CASTOR2: variants seen among roughly 807,000 people sequenced by gnomAD.
CASTOR2 encodes the protein GATS protein like 2.
CASTOR2 carries 8 observed loss-of-function variants against 31.2 expected under a neutral mutation model. That is an observed-to-expected ratio of 0.26 (90% confidence interval 0.15 to 0.46). CASTOR2 has a LOEUF of 0.46. Among genes scored for constraint, CASTOR2 ranks in the 20% least tolerant of loss-of-function variants. The pLI, the probability that CASTOR2 is intolerant of heterozygous loss-of-function variation, is 0.99. For missense variants in CASTOR2, 216 were observed against 382.1 expected (o/e 0.57, Z 3.62); for synonymous variants, 162 against 158.7 (o/e 1.02, Z -0.16).
intron 1 of CASTOR2, among the ~76,000 whole-genome samples, chr7:74,989,422 A>C (rs1554437086): frequency 0.046 from 6,880 of 148,606 alleles, 526 homozygotes; most frequent in African/African-American, 0.16. Context: ...ATGCCTGGGT[A>C]ATTTTTGTTT....
chr7:75,017,895 G>T, intron 3 of CASTOR2, 95 bp from the exon 4 acceptor site: 1 of 1,613,592 alleles, frequency 6.2e-7, no homozygotes, highest in Non-Finnish European at 8.5e-7. Context: ...CGCTATTCCA[G>T]GGTGGGGGCA....
At chr7:75,001,163 G>C (rs1256475855) in intron 1 of CASTOR2, among the ~76,000 whole-genome samples, 1 of 152,030 alleles carries the variant, frequency 6.6e-6, no homozygotes, top group African/African-American at 2.4e-5. Flanking sequence ...TGCAACCTCC[G>C]CCTCCCAGGC....
intron 1 of CASTOR2, among the ~76,000 whole-genome samples, chr7:74,984,938 C>T (rs1252638073): frequency 1.3e-5 from 2 of 152,102 alleles, no homozygotes; most frequent in African/African-American, 2.4e-5. Flanking sequence ...TCAAGACCAG[C>T]CTGGCCAATG....
chr7:74,975,845 C>T (rs1189040264), intron 1 of CASTOR2, among the ~76,000 whole-genome samples: 1 of 129,466 alleles, frequency 7.7e-6, no homozygotes, highest in Non-Finnish European at 1.6e-5. Flanking sequence ...GCGTGGTGCT[C>T]CCTCTCTCCC....
intron 1 of CASTOR2, among the ~76,000 whole-genome samples, chr7:74,999,559 G>GC (rs1804442765): frequency 7.9e-6 from 1 of 127,186 alleles, no homozygotes; most frequent in Non-Finnish European, 1.6e-5. Context: ...GGGAAGAAAA[G>GC]CCCCATGAAC....
chr7:74,975,422 TA>T (rs1803779961), intron 1 of CASTOR2, among the ~76,000 whole-genome samples: 1 of 141,852 alleles, frequency 7.0e-6, no homozygotes, highest in Non-Finnish European at 1.5e-5. Context: ...CTGGTGGTTT[TA>T]AAAGCTAGGA....
intron 1 of CASTOR2, among the ~76,000 whole-genome samples, chr7:74,996,085 A>G (rs1804339897): frequency 6.6e-6 from 1 of 151,974 alleles, no homozygotes. Context: ...TGAGCGTGGC[A>G]GAGGGGCAGG....
intron 1 of CASTOR2, among the ~76,000 whole-genome samples, chr7:74,994,750 CAA>C (rs587613971): frequency 1.1e-4 from 15 of 132,896 alleles, no homozygotes; most frequent in South Asian, 2.4e-4. Flanking sequence ...ACTCCATCTC[CAA>C]AAAAAAAAAA....
chr7:75,022,555 G>C (rs938191558), intron 7 of CASTOR2, among the ~76,000 whole-genome samples: 22,439 of 91,582 alleles, frequency 0.25, 1,827 homozygotes, highest in African/African-American at 0.3. Context: ...GTAATCCCAG[G>C]TCTTTGGGAG....
At chr7:75,009,326 G>A (rs1804678189) in intron 2 of CASTOR2, among the ~76,000 whole-genome samples, 1 of 125,000 alleles carries the variant, frequency 8.0e-6, no homozygotes, top group African/African-American at 3.2e-5. Context: ...CTGGAGTGCA[G>A]TGGTGTGATC....
chr7:75,028,136 G>C lies in CASTOR2; in HGVS notation c.*3437G>C. On this transcript the variant is annotated 3_prime_UTR_variant, in exon 9 of 9. Transcript: ENST00000616305. ...GTGGAATTTTTTTTTTTTTTTTTTT[G>C]AGACGGAGTCTTGCTCTGTCGCCCA... 1 of 804,788 alleles carries C rather than the reference G, an allele frequency of 1.2e-6. No homozygotes were observed. The highest frequency in any genetic ancestry group is 1.8e-6 in the Non-Finnish European group (1 of 569,606). The allele number at this position is 804,788 out of a possible 1,614,324, so 49.9% of individuals were successfully genotyped here.
chr7:75,023,700 A>G (rs976877502), intron 7 of CASTOR2, among the ~76,000 whole-genome samples: 2 of 151,930 alleles, frequency 1.3e-5, no homozygotes, highest in Non-Finnish European at 2.9e-5. Flanking sequence ...TCGGCCTCCC[A>G]AAGTGCTGGG....
intron 1 of CASTOR2, among the ~76,000 whole-genome samples, chr7:74,996,714 G>GTTTTT (rs1804356173): frequency 2.3e-5 from 1 of 44,064 alleles, no homozygotes; most frequent in Non-Finnish European, 4.8e-5. Context: ...CATGCCTGGT[G>GTTTTT]CTTTTTTTTT....
At chr7:74,975,387 AG>A (rs1668805222) in intron 1 of CASTOR2, among the ~76,000 whole-genome samples, 1 of 147,176 alleles carries the variant, frequency 6.8e-6, no homozygotes, top group Admixed American at 6.8e-5. Context: ...CTGGGATTAC[AG>A]GCATGAGCCA....
intron 7 of CASTOR2, among the ~76,000 whole-genome samples, chr7:75,023,715 C>T (rs1028080081): frequency 6.6e-6 from 1 of 152,020 alleles, no homozygotes; most frequent in African/African-American, 2.4e-5. Context: ...GCTGGGATTA[C>T]AGGCGTGAGC....
At chr7:75,019,455 G>A (rs1684893627) in intron 5 of CASTOR2, among the ~76,000 whole-genome samples, 2 of 152,266 alleles carry the variant, frequency 1.3e-5, no homozygotes, top group Admixed American at 6.5e-5. Context: ...ACTAGTTTGG[G>A]GTGGGAGACA....
In CASTOR2 at chr7:74,964,730, G is replaced by A. The variant is rs1444996566; in HGVS notation, c.-256G>A. On this transcript the variant is annotated 5_prime_UTR_variant, in exon 1 of 9. Transcript: ENST00000616305. ...AGCTGCTCCCCGCGCCGGGCGCCGC[G>A]CGCCGCTGCTCCGCCGCTCGGCCCC... 4 of 101,998 alleles carry A rather than the reference G, an allele frequency of 3.9e-5. No homozygotes were observed. Among genetic ancestry groups the A allele is most frequent in the Non-Finnish European group, 7.9e-5 (4 of 50,524 alleles). 6.3% of individuals were successfully genotyped at this position (101,998 alleles called of 1,614,324 possible).
chr7:75,002,196 G>T (rs1804515365), intron 1 of CASTOR2, among the ~76,000 whole-genome samples: 1 of 151,794 alleles, frequency 6.6e-6, no homozygotes, highest in Non-Finnish European at 1.5e-5. Flanking sequence ...AAAGTTCTGG[G>T]ATTACAGGTA....
intron 1 of CASTOR2, among the ~76,000 whole-genome samples, chr7:75,006,943 A>G (rs1337751035): frequency 7.1e-6 from 1 of 139,998 alleles, no homozygotes; most frequent in African/African-American, 2.6e-5. Context: ...GTATGTGTTT[A>G]TTAGCAGCAT....
Sources: gnomAD v4.1 joint callset for allele counts (sites outside exome capture counted in the v4.1 genomes callset) on GRCh38, gnomAD v4.1.1 for gene constraint, MANE v1.5 for transcripts, NCBI Gene and HGNC (gene_info 2026-07-23, HGNC 2026-07-21) for gene names.